Variants in STX8 observed in about 807,000 individuals in gnomAD.
STX8 encodes the protein syntaxin 8.
Under a neutral mutation model 37.5 loss-of-function variants are expected in STX8, and 23 were observed. The ratio of observed to expected loss-of-function variants is 0.61; its 90% CI spans 0.44 to 0.87. STX8 has a LOEUF of 0.87. STX8 is among the 40% of genes least tolerant of loss of function. The probability of loss-of-function intolerance (pLI) is 0.00; values close to 1 mark genes in which losing one functional copy is unlikely to be tolerated. For missense variants in STX8, 313 were observed against 284.7 expected (o/e 1.10, Z -0.71); for synonymous variants, 115 against 99.1 (o/e 1.16, Z -0.95).
chr17:9,380,708 A>C (rs1567804872), intron 6 of STX8, among the ~76,000 whole-genome samples: 2 of 103,660 alleles, frequency 1.9e-5, no homozygotes, highest in African/African-American at 6.2e-5. Flanking sequence ...GGATACAGAA[A>C]CTTTTTTTTT....
intron 5 of STX8, among the ~76,000 whole-genome samples, chr17:9,498,761 T>A (rs772825160): frequency 1.2e-4 from 19 of 152,126 alleles, no homozygotes; most frequent in Non-Finnish European, 2.6e-4. Flanking sequence ...AGAAAATTCA[T>A]AAGACTAGAT....
chr17:9,489,321 T>C (rs569528029), intron 6 of STX8, among the ~76,000 whole-genome samples: 4 of 152,282 alleles, frequency 2.6e-5, no homozygotes, highest in South Asian at 2.1e-4. Flanking sequence ...AACACAGGTA[T>C]GGCCTGGGCT....
intron 5 of STX8, among the ~76,000 whole-genome samples, chr17:9,504,496 C>T (rs866788601): frequency 2.0e-5 from 3 of 152,084 alleles, no homozygotes; most frequent in Non-Finnish European, 4.4e-5. Flanking sequence ...TTTGCTTGGA[C>T]TTAGATTCAG....
At chr17:9,555,059 A>G (rs546593424) in intron 3 of STX8, 1 of 152,334 alleles carries the variant, frequency 6.6e-6, no homozygotes, top group African/African-American at 2.4e-5. Flanking sequence ...ATAGAATTTT[A>G]AAGAAAGTTG....
intron 4 of STX8, among the ~76,000 whole-genome samples, chr17:9,535,925 C>T (rs1276563389): frequency 6.6e-6 from 1 of 152,084 alleles, no homozygotes; most frequent in Non-Finnish European, 1.5e-5. Context: ...CCTTACGTCA[C>T]GATTGGGAAA....
intron 7 of STX8, among the ~76,000 whole-genome samples, chr17:9,332,886 G>A (rs1910008657): frequency 6.6e-6 from 1 of 152,140 alleles, no homozygotes; most frequent in Non-Finnish European, 1.5e-5. Context: ...TTTGCCTAGG[G>A]AGGTAATGAT....
rs539008663 is a variant in STX8, at chr17:9,487,306, C to T, written c.541+4523G>A. ...TTAATGAAAACCAAAATTCAGCAGG[C>T]CGGTAAATCACATGCAGATACTTGC... is the stretch of plus-strand genomic sequence containing the variant. On this transcript the variant is annotated intron_variant, in intron 6 of 7. Coordinates refer to ENST00000306357, the MANE Select transcript of STX8 (RefSeq NM_004853.3). Among the ~76,000 whole-genome samples the T allele has an allele frequency of 5.3e-5, 8 of 152,284 alleles. No homozygotes were observed. In the East Asian group the frequency reaches 9.6e-4, roughly 18 times the overall value.
chr17:9,505,662 C>T (rs191027650), intron 4 of STX8, among the ~76,000 whole-genome samples: 3 of 152,196 alleles, frequency 2.0e-5, no homozygotes, highest in East Asian at 1.9e-4. Context: ...TATTTGGAGC[C>T]GGGCGCAGTG....
chr17:9,322,400 A>C (rs1909603472), intron 7 of STX8, among the ~76,000 whole-genome samples: 1 of 152,248 alleles, frequency 6.6e-6, no homozygotes, highest in Admixed American at 6.5e-5. Context: ...AGAATGAAAG[A>C]GGAGCTGTCA....
intron 7 of STX8, among the ~76,000 whole-genome samples, chr17:9,276,896 A>G (rs866142550): frequency 2.2e-4 from 34 of 151,752 alleles, no homozygotes; most frequent in Middle Eastern, 6.8e-3. Flanking sequence ...TCGGCCTCCC[A>G]AAGTGCTGGG....
chr17:9,384,778 C>G (rs1015069885), intron 6 of STX8, among the ~76,000 whole-genome samples: 3 of 132,628 alleles, frequency 2.3e-5, no homozygotes, highest in African/African-American at 9.0e-5. Flanking sequence ...TGGAACAAAA[C>G]AGAGTCCAGA....
chr17:9,419,082 C>T (rs1045790311), intron 6 of STX8, among the ~76,000 whole-genome samples: 14 of 151,684 alleles, frequency 9.2e-5, no homozygotes, highest in Admixed American at 3.9e-4. Context: ...TGCCATCATC[C>T]CTAATTTTTT....
chr17:9,494,615 C>CCA (rs1907019301), intron 5 of STX8, among the ~76,000 whole-genome samples: 1 of 64,292 alleles, frequency 1.6e-5, no homozygotes, highest in African/African-American at 5.8e-5. Context: ...GAACCTGTCT[C>CCA]AAAAAAAAAA....
intron 7 of STX8, among the ~76,000 whole-genome samples, chr17:9,308,520 C>T (rs1000454706): frequency 7.9e-5 from 12 of 151,940 alleles, no homozygotes; most frequent in Non-Finnish European, 1.6e-4. Flanking sequence ...GTCAGGAGTT[C>T]GAGACCAGCC....
intron 4 of STX8, among the ~76,000 whole-genome samples, chr17:9,539,942 C>A (rs998734402): frequency 6.6e-6 from 1 of 152,046 alleles, no homozygotes; most frequent in Non-Finnish European, 1.5e-5. Context: ...GGGATACAAT[C>A]GAATTGTAAT....
chr17:9,255,770 C>T (rs1451110125), intron 7 of STX8, among the ~76,000 whole-genome samples: 1 of 152,100 alleles, frequency 6.6e-6, no homozygotes, highest in Admixed American at 6.6e-5. Context: ...CTGGTATATA[C>T]TGAGGGTCAA....
intron 4 of STX8, among the ~76,000 whole-genome samples, chr17:9,529,723 ATTG>A (rs1786784606): frequency 6.6e-6 from 1 of 152,202 alleles, no homozygotes; most frequent in Non-Finnish European, 1.5e-5. Flanking sequence ...ACAGTTGTAG[ATTG>A]TTAATTCTCA....
At chr17:9,299,946 G>A (rs1259141464) in intron 7 of STX8, among the ~76,000 whole-genome samples, 6 of 152,098 alleles carry the variant, frequency 3.9e-5, no homozygotes, top group Non-Finnish European at 7.4e-5. Context: ...TTGTTATCTC[G>A]TCAAGATCTT....
At chr17:9,379,582 T>C (rs770133808) in intron 6 of STX8, among the ~76,000 whole-genome samples, 12 of 152,210 alleles carry the variant, frequency 7.9e-5, no homozygotes, top group Non-Finnish European at 1.8e-4. Context: ...AAGTTAATCA[T>C]ACAGAAACTT....
Sources: allele counts gnomAD v4.1 joint callset (sites outside exome capture counted in the v4.1 genomes callset), GRCh38; gene constraint gnomAD v4.1.1; transcripts MANE v1.5; gene names NCBI Gene and HGNC (gene_info 2026-07-23, HGNC 2026-07-21).